Variants in ZNF335 observed in about 807,000 individuals in gnomAD.
The protein encoded by ZNF335 is NRC-interacting factor 1.
ZNF335 carries 84 observed loss-of-function variants against 145.6 expected under a neutral mutation model. The observed-to-expected ratio is 0.58, with a 90% CI of 0.48 to 0.69. The LOEUF (loss-of-function observed/expected upper bound fraction) is 0.69. ZNF335 is among the 30% of genes least tolerant of loss of function. The probability of loss-of-function intolerance (pLI) is 0.00; values close to 1 mark genes in which losing one functional copy is unlikely to be tolerated. For synonymous variants in ZNF335, 761 were observed against 717.0 expected, an observed-to-expected ratio of 1.06 and a Z score of -0.98; for missense variants, 1,865 against 1,809.7, an observed-to-expected ratio of 1.03 and a Z score of -0.55.
rs17448680 is a variant in ZNF335, at chr20:45,966,087, T to C, written c.956-313A>G. On this transcript the variant is annotated intron_variant, in intron 6 of 27. Transcript: ENST00000322927. Reference sequence around the variant, plus strand: ...AAAAAAGTTTAAATAAACATTGAAGTCCACAAACTCTACGGCTGCCCTATC... The same window carrying C: ...AAAAAAGTTTAAATAAACATTGAAGCCCACAAACTCTACGGCTGCCCTATC... 0.28 allele frequency among the ~76,000 whole-genome samples: 42,229 copies of C among 151,962 alleles called. 6,313 individuals are homozygous for C. Among genetic ancestry groups the C allele is most frequent in the Non-Finnish European group, 0.34 (23,319 of 67,940 alleles).
In ZNF335 at chr20:45,967,808, C is replaced by T. The variant is rs756504556; in HGVS notation, c.740G>A (p.Cys247Tyr). 1 of 1,613,600 alleles carries T rather than the reference C, an allele frequency of 6.2e-7. No homozygotes were observed. Among genetic ancestry groups the T allele is most frequent in the South Asian group, 1.1e-5 (1 of 91,080 alleles). The change falls in exon 5 of 28, where the codon TGC (cysteine) becomes TAC (tyrosine). Residue 247 changes from cysteine (C) to tyrosine (Y), a missense_variant. Coordinates refer to ENST00000322927, the MANE Select transcript of ZNF335 (RefSeq NM_022095.4). ...GCTGCTCCGGTACTGGCACATCTTG[C>T]ATTTGAACTGCTGCACCACCACCAC... ...MEVVVVQQFKCKMCQYRSSTK... is the reference protein window; with the variant it reads ...MEVVVVQQFKYKMCQYRSSTK...
chr20:45,953,294 G>A (rs981728397), intron 18 of ZNF335, among the ~76,000 whole-genome samples: 1 of 152,154 alleles, frequency 6.6e-6, no homozygotes, highest in Non-Finnish European at 1.5e-5. Context: ...GAGCTTGCTC[G>A]GAGTGTCAGA....
rs1353445207 is a variant in ZNF335, at chr20:45,969,494, G to A, written c.399C>T (p.Ile133=). 3.8e-6 allele frequency: 6 copies of A among 1,566,412 alleles called. No homozygotes were observed. The highest frequency in any genetic ancestry group is 5.2e-6 in the Non-Finnish European group (6 of 1,145,958). Residue 133 remains isoleucine, a synonymous_variant, in exon 3 of 28, where the codon ATC becomes ATT. Coordinates refer to ENST00000322927, the MANE Select transcript of ZNF335 (RefSeq NM_022095.4). ...CGATGGTGGACTCGATGATCTTGTCGATGGCCGAGCCCAGGTCCGAGGAGG... is the reference window on the plus strand; with the variant it reads ...CGATGGTGGACTCGATGATCTTGTCAATGGCCGAGCCCAGGTCCGAGGAGG... The part of the protein sequence containing the change: ...TASSSDLGSA[I]DKIIESTIGP...
Position 45,963,655 on chromosome 20 carries a change from A to G in ZNF335, c.1356-5T>C. ...TTGGGCGACTTGTAATAGTACCTGC[A>G]GGATGAGAGTGTGGCGGAAAGGTCT... On this transcript the variant is annotated splice_region_variant and splice_polypyrimidine_tract_variant and intron_variant, in intron 8 of 27. Transcript: ENST00000322927. The G allele has an allele frequency of 6.2e-7, 1 of 1,614,020 alleles. No individual in the cohort carries two copies. Among genetic ancestry groups the G allele is most frequent in the Non-Finnish European group, 8.5e-7 (1 of 1,179,856 alleles).
At chr20:45,955,653 T>C (rs912081192) in intron 17 of ZNF335, among the ~76,000 whole-genome samples, 1 of 151,922 alleles carries the variant, frequency 6.6e-6, no homozygotes, top group African/African-American at 2.4e-5. Flanking sequence ...ACCCTATCCC[T>C]ACTAAAAATA....
At chr20:45,951,769 C>A (rs1268832597) in intron 20 of ZNF335, among the ~76,000 whole-genome samples, 1 of 152,166 alleles carries the variant, frequency 6.6e-6, no homozygotes, top group Non-Finnish European at 1.5e-5. Context: ...GTTGGGCACC[C>A]CTGTTCTAGA....
chr20:45,955,368 A>AC (rs1346108122), intron 17 of ZNF335, among the ~76,000 whole-genome samples: 2 of 149,712 alleles, frequency 1.3e-5, no homozygotes, highest in East Asian at 3.9e-4. Context: ...AAAAAAAAAA[A>AC]AAGATTTATA....
chr20:45,965,538 C>CA, intron 7 of ZNF335, 90 bp downstream of exon 7: 2 of 1,466,090 alleles, frequency 1.4e-6, no homozygotes, highest in Non-Finnish European at 1.8e-6. Context: ...CTGCAGGGCA[C>CA]ACTCAGTCCC....
chr20:45,952,795 C>T, intron 18 of ZNF335, 86 bp from the exon 19 acceptor site: 1 of 1,247,966 alleles, frequency 8.0e-7, no homozygotes, highest in South Asian at 1.3e-5. Flanking sequence ...TGAGGAGTGA[C>T]TGTCACCACA....
intron 17 of ZNF335, among the ~76,000 whole-genome samples, chr20:45,954,154 G>A (rs2083684224): frequency 6.6e-6 from 1 of 152,218 alleles, no homozygotes; most frequent in African/African-American, 2.4e-5. Context: ...TAGACCAACA[G>A]GAATAGGGCA....
Position 45,967,573 on chromosome 20 carries a change from G to C in ZNF335, c.876C>G (p.Thr292=), listed in dbSNP as rs775804906. ...KGRLRKWSTS[T]KSQEEEGPEE... ...CTGGTCCCTCTTCCTCTTGGCTCTT[G>C]GTGGAGGTGCTCCACTTCCGTAGAC... The change falls in exon 6 of 28, where the codon ACC becomes ACG. Residue 292 remains threonine (T), a synonymous_variant. Transcript: ENST00000322927. 4.4e-5 allele frequency: 71 copies of C among 1,613,930 alleles called. No individual in the cohort carries two copies. Among genetic ancestry groups the C allele is most frequent in the Middle Eastern group, 1.6e-4 (1 of 6,084 alleles).
At chr20:45,971,120 A>C in intron 2 of ZNF335, 90 bp downstream of exon 2, 1 of 1,436,686 alleles carries the variant, frequency 7.0e-7, no homozygotes, top group South Asian at 1.5e-5. Flanking sequence ...ACCAAGTATT[A>C]GCTACAAACA....
chr20:45,961,396 C>T (rs2083841018), intron 10 of ZNF335: 1 of 150,732 alleles, frequency 6.6e-6, no homozygotes, highest in African/African-American at 2.5e-5. Context: ...GTCAATCAGT[C>T]AATAAAAGCT....
In ZNF335 at chr20:45,968,020, G is replaced by A. The variant is rs1298120842; in HGVS notation, c.528C>T (p.Pro176=). 32 of 1,612,350 alleles carry A rather than the reference G, an allele frequency of 2.0e-5. No individual in the cohort carries two copies. The highest frequency in any genetic ancestry group is 3.3e-5 in the Admixed American group (2 of 60,012). The change falls in exon 5 of 28, where the codon CCC becomes CCT. Residue 176 remains proline, a synonymous_variant. Coordinates refer to ENST00000322927, the MANE Select transcript of ZNF335 (RefSeq NM_022095.4). ...LILQGPDDGA[P]MTSPMSSSTL... is the part of the protein sequence containing the mutation. ...TGGAACTGGACATTGGTGATGTCAT[G>A]GGGGCTCCTGGGGATGGGTGAGGCA... is the stretch of plus-strand genomic sequence containing the variant.
intron 24 of ZNF335, 37 bp from the exon 25 acceptor site, chr20:45,949,605 C>T: frequency 6.3e-7 from 1 of 1,578,940 alleles, no homozygotes; most frequent in South Asian, 1.1e-5. Context: ...GAGGCAGGTG[C>T]TGAGGCCCCA....
intron 4 of ZNF335, 114 bp downstream of exon 4, chr20:45,968,171 C>T (rs2083995987): frequency 2.0e-6 from 3 of 1,500,264 alleles, no homozygotes; most frequent in Non-Finnish European, 2.8e-6. Context: ...AAAACTGAGA[C>T]CCAGAGCAGT....
chr20:45,965,030 A>AAATAAT (rs11472570), intron 7 of ZNF335, among the ~76,000 whole-genome samples: 14,711 of 141,226 alleles, frequency 0.1, 803 homozygotes, highest in African/African-American at 0.11. Flanking sequence ...CTCTGTCTCA[A>AAATAAT]AATAATAATA....
intron 9 of ZNF335, among the ~76,000 whole-genome samples, chr20:45,962,825 T>G (rs1318769426): frequency 4.8e-5 from 7 of 146,916 alleles, no homozygotes; most frequent in African/African-American, 1.5e-4. Flanking sequence ...GTTTGTTTGT[T>G]TTTTTGAGAC....
intron 9 of ZNF335, among the ~76,000 whole-genome samples, chr20:45,963,253 C>T (rs563149271): frequency 6.9e-4 from 105 of 152,294 alleles, no homozygotes; most frequent in African/African-American, 2.2e-3. Context: ...CCTGCAAAAC[C>T]GCCTGTGGCA....
Sources: gnomAD v4.1 joint callset for allele counts (sites outside exome capture counted in the v4.1 genomes callset) on GRCh38, gnomAD v4.1.1 for gene constraint, MANE v1.5 for transcripts, NCBI Gene and HGNC (gene_info 2026-07-23, HGNC 2026-07-21) for gene names.